SLC10A6: variants seen among roughly 807,000 people sequenced by gnomAD.
SLC10A6 encodes the protein sodium-dependent organic anion transporter.
SLC10A6 carries 27 observed loss-of-function variants against 30.0 expected under a neutral mutation model. The ratio of observed to expected loss-of-function variants is 0.90; its 90% confidence interval spans 0.66 to 1.24. The LOEUF (loss-of-function observed/expected upper bound fraction) is 1.24. Among genes scored for constraint, SLC10A6 ranks in the 50% most tolerant of loss-of-function variants. SLC10A6 has a pLI of 0.00. For synonymous variants in SLC10A6, 166 were observed against 173.8 expected (o/e 0.95, Z 0.36); for missense variants, 439 against 457.0 (o/e 0.96, Z 0.36).
intron 4 of SLC10A6, 106 bp downstream of exon 4, chr4:86,827,887 G>T: frequency 2.0e-6 from 2 of 1,022,606 alleles, no homozygotes; most frequent in Non-Finnish European, 2.8e-6. Flanking sequence ...ATTCCACTAT[G>T]TAAGTCAAAA....
chr4:86,823,840 C>T lies in SLC10A6; in HGVS notation c.982G>A (p.Glu328Lys). 6.2e-7 allele frequency: 1 copy of T among 1,614,094 alleles called. No individual in the cohort carries two copies. The highest frequency in any genetic ancestry group is 8.5e-7 in the Non-Finnish European group (1 of 1,179,962). The part of the protein sequence containing the change: ...KHGKKNSGCT[E>K]VCHTRKSTSS... ...GTCGATTTCCTCGTATGGCAGACTTCTGTGCAACCTGAGTTCTTTTTTCCA... is the reference window on the plus strand; with the variant it reads ...GTCGATTTCCTCGTATGGCAGACTTTTGTGCAACCTGAGTTCTTTTTTCCA... Residue 328 changes from glutamate to lysine, a missense_variant, in exon 6 of 6, where the codon GAA becomes AAA. Coordinates refer to ENST00000273905, the MANE Select transcript of SLC10A6 (RefSeq NM_197965.3).
intron 1 of SLC10A6, among the ~76,000 whole-genome samples, chr4:86,835,212 T>C (rs1000147274): frequency 6.6e-6 from 1 of 152,140 alleles, no homozygotes; most frequent in Non-Finnish European, 1.5e-5. Flanking sequence ...AAGCTCCCCA[T>C]TGGATAGGGC....
intron 4 of SLC10A6, among the ~76,000 whole-genome samples, chr4:86,827,203 T>C (rs780728620): frequency 1.2e-4 from 18 of 152,162 alleles, no homozygotes; most frequent in Admixed American, 1.2e-3. Context: ...CCAGAGCCAA[T>C]TGCATTTCAA....
intron 1 of SLC10A6, among the ~76,000 whole-genome samples, chr4:86,845,464 A>T (rs1344704994): frequency 6.6e-6 from 1 of 152,180 alleles, no homozygotes; most frequent in Non-Finnish European, 1.5e-5. Flanking sequence ...TTGTATGTAT[A>T]ACATGTTCGT....
At chr4:86,843,742 C>T (rs915885927) in intron 1 of SLC10A6, among the ~76,000 whole-genome samples, 7 of 152,120 alleles carry the variant, frequency 4.6e-5, no homozygotes, top group African/African-American at 7.2e-5. Context: ...ACCCAGGACA[C>T]GATGTTCTTT....
At position 86,825,524 on chromosome 4, in the gene SLC10A6, G is replaced by A. The variant is rs770753635; in HGVS notation, c.815C>T (p.Thr272Ile). ...AGCAGTGAAAGATAACTGGAGCATG[G>A]TGATGCACATCTGAATATTCTGAGC... ...TGAQNIQMCI[T>I]MLQLSFTAEH... is the part of the protein sequence containing the mutation. Residue 272 changes from threonine to isoleucine, a missense_variant, in exon 5 of 6, where the codon ACC becomes ATC. Physicochemically the swap from Thr to Ile is moderately conservative, Grantham distance 89. Coordinates refer to ENST00000273905, the MANE Select transcript of SLC10A6 (RefSeq NM_197965.3). 1.9e-6 allele frequency: 3 copies of A among 1,612,432 alleles called. No individual in the cohort carries two copies. In the South Asian group the frequency reaches 3.3e-5, roughly 18 times the overall value.
chr4:86,846,473 A>G (rs1392001437), intron 1 of SLC10A6, among the ~76,000 whole-genome samples: 1 of 152,164 alleles, frequency 6.6e-6, no homozygotes, highest in African/African-American at 2.4e-5. Flanking sequence ...TAATCCCAGC[A>G]CTTTGGGAGG....
At chr4:86,830,530 AC>A (rs1181515542) in intron 3 of SLC10A6, among the ~76,000 whole-genome samples, 2 of 152,220 alleles carry the variant, frequency 1.3e-5, no homozygotes, top group African/African-American at 4.8e-5. Flanking sequence ...ATACAAATGT[AC>A]TATACTAAGC....
chr4:86,843,559 G>T lies in SLC10A6; in HGVS notation c.377+5180C>A, dbSNP rs188431132. Among the ~76,000 whole-genome samples, 347 of 152,152 alleles carry T rather than the reference G, an allele frequency of 2.3e-3. 1 individual carries two copies. The highest frequency in any genetic ancestry group is 8.2e-3 in the African/African-American group (340 of 41,492). On this transcript the variant is annotated intron_variant, in intron 1 of 5. Transcript: ENST00000273905. ...TCCACTCCTAAGCATACACTCAAGG[G>T]AAATGAAAGCTGAGACTCAACAGTA...
At chr4:86,830,748 A>G (rs1452833125) in intron 3 of SLC10A6, among the ~76,000 whole-genome samples, 1 of 152,236 alleles carries the variant, frequency 6.6e-6, no homozygotes, top group African/African-American at 2.4e-5. Flanking sequence ...ACCATAAACC[A>G]GAAAACAAAA....
chr4:86,824,220 A>G (rs1418394596), intron 5 of SLC10A6, among the ~76,000 whole-genome samples: 1 of 152,176 alleles, frequency 6.6e-6, no homozygotes, highest in East Asian at 1.9e-4. Flanking sequence ...AAATACTGCG[A>G]GTGCTTACTA....
Position 86,848,981 on chromosome 4 carries a change from G to A in SLC10A6, c.135C>T (p.Leu45=), listed in dbSNP as rs769243427. ...TVVSTVMMGL[L]MFSLGCSVEI... ...CCACGGAACATCCCAAAGAGAACAT[G>A]AGCAGCCCCATCATCACAGTGGACA... The change falls in exon 1 of 6, where the codon CTC becomes CTT. Residue 45 remains leucine, a synonymous_variant. Transcript: ENST00000273905. 8.7e-6 allele frequency: 14 copies of A among 1,614,114 alleles called. No homozygotes were observed. The Middle Eastern group carries it at 4.9e-4, about 57-fold the overall frequency.
At chr4:86,847,868 G>A (rs556252698) in intron 1 of SLC10A6, among the ~76,000 whole-genome samples, 1 of 152,318 alleles carries the variant, frequency 6.6e-6, no homozygotes, top group Middle Eastern at 3.4e-3. Context: ...GAAACGGCAT[G>A]TTCACAAGTA....
rs775035778 is a variant in SLC10A6, at chr4:86,833,393, C to T, written c.409G>A (p.Ala137Thr). ...ISMTTCSTVAALGMMPLCIYL... is the reference protein window; with the variant it reads ...ISMTTCSTVATLGMMPLCIYL... ...ATGCAGAGTGGCATCATTCCCAGGGCGGCCACGGTGGAACAGGTTGTCATA... is the reference window on the plus strand; with the variant it reads ...ATGCAGAGTGGCATCATTCCCAGGGTGGCCACGGTGGAACAGGTTGTCATA... Residue 137 changes from alanine (A) to threonine (T), a missense_variant, in exon 2 of 6, where the codon GCC (alanine) becomes ACC (threonine). Transcript: ENST00000273905. The T allele has an allele frequency of 2.0e-5, 33 of 1,613,814 alleles. No individual in the cohort carries two copies. Among genetic ancestry groups the T allele is most frequent in the Admixed American group, 5.0e-5 (3 of 59,986 alleles).
Position 86,842,865 on chromosome 4 carries a change from TC to T in SLC10A6, c.377+5873del, listed in dbSNP as rs1746327005. ...TTCTTTCTTTCTTTCTTTCTTTCTT[TC>T]TTTCTTTCTTTTTTTTTTTGAGATG... On this transcript the variant is annotated intron_variant, in intron 1 of 5. Coordinates refer to ENST00000273905, the MANE Select transcript of SLC10A6 (RefSeq NM_197965.3). Among the ~76,000 whole-genome samples the T allele has an allele frequency of 2.9e-4, 17 of 59,610 alleles. 1 individual carries two copies. Among genetic ancestry groups the T allele is most frequent in the African/African-American group, 7.0e-4 (5 of 7,136 alleles). The allele number at this position is 59,610 out of a possible 152,430, so 39.1% of individuals were successfully genotyped here. A position where few individuals can be genotyped will look rare whatever the true frequency, so the allele number is the denominator to read the frequency against.
At chr4:86,845,920 G>C (rs1423807781) in intron 1 of SLC10A6, among the ~76,000 whole-genome samples, 2 of 152,194 alleles carry the variant, frequency 1.3e-5, no homozygotes, top group Non-Finnish European at 2.9e-5. Flanking sequence ...TGCCTGTGTG[G>C]GGTGAACACA....
At chr4:86,834,424 G>A (rs1212411099) in intron 1 of SLC10A6, among the ~76,000 whole-genome samples, 1 of 151,942 alleles carries the variant, frequency 6.6e-6, no homozygotes, top group East Asian at 1.9e-4. Context: ...GCTAAGACAA[G>A]GTTTATCCAT....
At chr4:86,825,644 A>G in intron 4 of SLC10A6, 67 bp from the exon 5 acceptor site, 1 of 1,444,204 alleles carries the variant, frequency 6.9e-7, no homozygotes, top group African/African-American at 1.4e-5. Flanking sequence ...ATTTTCTCAT[A>G]TGCATCATAA....
chr4:86,824,339 G>C (rs1745940631), intron 5 of SLC10A6, among the ~76,000 whole-genome samples: 2 of 152,320 alleles, frequency 1.3e-5, no homozygotes, highest in Admixed American at 6.5e-5. Context: ...CTGAGACCAA[G>C]AGTTTGACTC....
Sources: gnomAD v4.1 joint callset for allele counts (sites outside exome capture counted in the v4.1 genomes callset) on GRCh38, gnomAD v4.1.1 for gene constraint, MANE v1.5 for transcripts, NCBI Gene and HGNC (gene_info 2026-07-23, HGNC 2026-07-21) for gene names.